MEIS2: variants seen among roughly 807,000 people sequenced by gnomAD.
MEIS2 encodes homeobox protein Meis2.
In MEIS2, 9 loss-of-function variants were observed where a neutral mutation model predicts 58.6. The observed-to-expected ratio is 0.15, with a 90% CI of 0.09 to 0.27. The LOEUF (loss-of-function observed/expected upper bound fraction) is 0.27, where lower values mean the gene tolerates loss of function less well. Ranked by LOEUF, MEIS2 falls within the 10% of genes least tolerant of loss-of-function variation. The probability of loss-of-function intolerance (pLI) is 1.00; values close to 1 mark genes in which losing one functional copy is unlikely to be tolerated. For missense variants in MEIS2, 427 were observed against 635.0 expected, an observed-to-expected ratio of 0.67 and a Z score of 3.52; for synonymous variants, 221 against 228.4, an observed-to-expected ratio of 0.97 and a Z score of 0.29.
chr15:37,069,862 T>C (rs1393864716), intron 7 of MEIS2, among the ~76,000 whole-genome samples: 2 of 152,112 alleles, frequency 1.3e-5, no homozygotes, highest in East Asian at 3.9e-4. Flanking sequence ...AAATTTCCCA[T>C]GGGTGGACAG....
intron 9 of MEIS2, among the ~76,000 whole-genome samples, chr15:36,946,918 G>T (rs2058586298): frequency 6.6e-6 from 1 of 151,954 alleles, no homozygotes; most frequent in Non-Finnish European, 1.5e-5. Context: ...TCAATATTCA[G>T]TCAAATTACA....
chr15:37,059,766 A>G (rs1172379024), intron 7 of MEIS2, among the ~76,000 whole-genome samples: 1 of 152,054 alleles, frequency 6.6e-6, no homozygotes, highest in Non-Finnish European at 1.5e-5. Context: ...ATGAAACTCC[A>G]TCTCTACTAA....
In MEIS2 at chr15:37,080,196, C is replaced by G. The variant is rs370924473; in HGVS notation, c.754+3575G>C. On this transcript the variant is annotated intron_variant, in intron 7 of 11. Transcript: ENST00000561208. ...ATTGAAATACAAAGTTATCTTTACT[C>G]TACCCTTTTTATTCATTGCGGCTGA... Among the ~76,000 whole-genome samples the G allele has an allele frequency of 9.2e-5, 14 of 152,062 alleles. 1 individual carries two copies. The highest frequency in any genetic ancestry group is 7.7e-4 in the East Asian group (4 of 5,184).
intron 8 of MEIS2, among the ~76,000 whole-genome samples, chr15:37,005,031 G>A (rs1281428262): frequency 6.6e-6 from 1 of 152,142 alleles, no homozygotes; most frequent in African/African-American, 2.4e-5. Context: ...AGTCATGTTG[G>A]AGCCTCTGGT....
chr15:36,998,186 C>T (rs2060593861), intron 8 of MEIS2, among the ~76,000 whole-genome samples: 1 of 151,034 alleles, frequency 6.6e-6, no homozygotes, highest in Non-Finnish European at 1.5e-5. Context: ...GTTTGATCAG[C>T]ACAGACTACG....
At chr15:37,097,735 G>A (rs949571852) in intron 2 of MEIS2, among the ~76,000 whole-genome samples, 1 of 152,132 alleles carries the variant, frequency 6.6e-6, no homozygotes, top group African/African-American at 2.4e-5. Flanking sequence ...TCCAGGCTGT[G>A]GGGTCTGGAG....
At chr15:36,924,289 G>A (rs1213882335) in intron 9 of MEIS2, among the ~76,000 whole-genome samples, 1 of 152,194 alleles carries the variant, frequency 6.6e-6, no homozygotes, top group Admixed American at 6.5e-5. Flanking sequence ...TTGTCTGGGG[G>A]TCCTGCCCTG....
intron 4 of MEIS2, 68 bp downstream of exon 4, chr15:37,095,496 G>C: frequency 6.2e-7 from 1 of 1,609,244 alleles, no homozygotes; most frequent in Non-Finnish European, 8.5e-7. Context: ...AGCTCCAGCA[G>C]AAAGTGGGTG....
chr15:37,096,159 G>A (rs1384574741), intron 3 of MEIS2, 130 bp downstream of exon 3: 4 of 1,013,382 alleles, frequency 3.9e-6, no homozygotes, highest in South Asian at 1.8e-5. Flanking sequence ...GGGAGGAGGC[G>A]TAGAGAGCGG....
At chr15:37,005,070 C>T (rs1018661783) in intron 8 of MEIS2, among the ~76,000 whole-genome samples, 8 of 152,114 alleles carry the variant, frequency 5.3e-5, no homozygotes. Context: ...TAAAAAATTC[C>T]AATTCATAAA....
intron 8 of MEIS2, among the ~76,000 whole-genome samples, chr15:37,009,252 G>A (rs2061040481): frequency 6.6e-6 from 1 of 152,044 alleles, no homozygotes; most frequent in Admixed American, 6.5e-5. Context: ...TCGCGCCACT[G>A]CACTCCAGCC....
chr15:36,922,826 C>T (rs1464438663), intron 9 of MEIS2, among the ~76,000 whole-genome samples: 1 of 151,404 alleles, frequency 6.6e-6, no homozygotes, highest in African/African-American at 2.4e-5. Flanking sequence ...CCATGTTGAT[C>T]AGGCTGCTCT....
chr15:36,973,681 A>T (rs2059645340), intron 8 of MEIS2, among the ~76,000 whole-genome samples: 1 of 152,208 alleles, frequency 6.6e-6, no homozygotes, highest in South Asian at 2.1e-4. Flanking sequence ...GAGTTGAAAA[A>T]ATAAAGAGGA....
chr15:36,980,748 CAT>C (rs1348861979), intron 8 of MEIS2, among the ~76,000 whole-genome samples: 5 of 152,094 alleles, frequency 3.3e-5, no homozygotes, highest in African/African-American at 1.2e-4. Flanking sequence ...AATCAAATGA[CAT>C]AATCCATTTT....
intron 9 of MEIS2, among the ~76,000 whole-genome samples, chr15:36,915,812 C>A (rs1185563039): frequency 6.6e-6 from 1 of 152,196 alleles, no homozygotes; most frequent in Admixed American, 6.5e-5. Context: ...GCTGTACTTA[C>A]TATGATAACC....
rs1370286646 is a variant in MEIS2 at position 36,961,019 on chromosome 15, C to T, written c.901-10619G>A. Among the ~76,000 whole-genome samples, 7 of 152,032 alleles carry T rather than the reference C, an allele frequency of 4.6e-5. No homozygotes were observed. The South Asian group carries it at 1.4e-3, about 31-fold the overall frequency. On this transcript the variant is annotated intron_variant, in intron 8 of 11. Transcript: ENST00000561208. ...AGTTTTATCTTATCAATTTGTTTTT[C>T]CTTCCCTTTTTTTTAGAACAGCCTC...
At chr15:37,073,599 C>T (rs1250211012) in intron 7 of MEIS2, among the ~76,000 whole-genome samples, 1 of 152,062 alleles carries the variant, frequency 6.6e-6, no homozygotes, top group Admixed American at 6.6e-5. Flanking sequence ...TACACATCAG[C>T]CCCAGTGTGT....
intron 8 of MEIS2, among the ~76,000 whole-genome samples, chr15:37,016,227 T>G (rs2061345412): frequency 6.6e-6 from 1 of 152,184 alleles, no homozygotes; most frequent in African/African-American, 2.4e-5. Context: ...CTGCTGAGAT[T>G]TATAGCTTCA....
At chr15:36,911,973 C>G (rs79618689) in intron 9 of MEIS2, among the ~76,000 whole-genome samples, 14 of 152,182 alleles carry the variant, frequency 9.2e-5, no homozygotes, top group Non-Finnish European at 1.5e-5. Flanking sequence ...GTACAGGACT[C>G]GTTCTGAGCC....
Sources: gnomAD v4.1 joint callset for allele counts (sites outside exome capture counted in the v4.1 genomes callset) on GRCh38, gnomAD v4.1.1 for gene constraint, MANE v1.5 for transcripts, NCBI Gene and HGNC (gene_info 2026-07-23, HGNC 2026-07-21) for gene names.